DNAH17: variants seen among roughly 807,000 people sequenced by gnomAD.
The protein encoded by DNAH17 is dynein axonemal heavy chain 17.
Under a neutral mutation model 485.6 loss-of-function variants are expected in DNAH17, and 376 were observed. That is an observed-to-expected ratio of 0.77 (90% CI 0.71 to 0.84). DNAH17 has a LOEUF of 0.84. DNAH17 is among the 40% of genes least tolerant of loss of function. The probability of loss-of-function intolerance (pLI) is 0.00; values close to 1 mark genes in which losing one functional copy is unlikely to be tolerated. For synonymous variants in DNAH17, 3,031 were observed against 2,405.9 expected (o/e 1.26, Z -7.60); for missense variants, 6,370 against 5,839.3 (o/e 1.09, Z -2.96).
At chr17:78,450,520 G>C (rs1781358834) in intron 67 of DNAH17, 126 bp from the exon 68 acceptor site, 1 of 1,447,768 alleles carries the variant, frequency 6.9e-7, no homozygotes, top group Admixed American at 2.0e-5. Flanking sequence ...CAGCAGCTGG[G>C]TGCAGGATGG....
rs2090691264 is a variant in DNAH17, at chr17:78,513,456, GAC to G, written c.4113+1316_4113+1317del. On this transcript the variant is annotated intron_variant, in intron 26 of 80. Transcript: ENST00000389840. The stretch of plus-strand genomic sequence containing the variant: ...CCTGGTCTTTTCCTATTTTGTTAGA[GAC>G]ACAGTTTCACTCTGTCACCCAGGCT... Among the ~76,000 whole-genome samples, 3 of 152,268 alleles carry G rather than the reference GAC, an allele frequency of 2.0e-5. No individual in the cohort carries two copies. In the South Asian group the frequency reaches 6.2e-4, roughly 32 times the overall value.
chr17:78,547,911 C>T lies in DNAH17; in HGVS notation c.2391+3624G>A, dbSNP rs548135095. Among the ~76,000 whole-genome samples, 13 of 152,316 alleles carry T rather than the reference C, an allele frequency of 8.5e-5. No individual in the cohort carries two copies. The South Asian group carries it at 2.5e-3, about 29-fold the overall frequency. On this transcript the variant is annotated intron_variant, in intron 16 of 80. Transcript: ENST00000389840. Reference sequence around the variant, plus strand: ...GGGATTACAGGTGTGAGCCACCATGCCCAGCCTATTACTTCTTTAGTAACA... The same window carrying T: ...GGGATTACAGGTGTGAGCCACCATGTCCAGCCTATTACTTCTTTAGTAACA...
At chr17:78,471,894 G>A (rs774239016) in intron 54 of DNAH17, among the ~76,000 whole-genome samples, 2 of 152,084 alleles carry the variant, frequency 1.3e-5, no homozygotes, top group Non-Finnish European at 2.9e-5. Flanking sequence ...CATGTGTCCC[G>A]CTGTGCGATG....
At chr17:78,525,839 C>T (rs868545448) in intron 24 of DNAH17, among the ~76,000 whole-genome samples, 4 of 152,180 alleles carry the variant, frequency 2.6e-5, no homozygotes, top group South Asian at 2.1e-4. Flanking sequence ...TTGAGGAATG[C>T]GACATGAGGA....
chr17:78,451,580 C>T lies in DNAH17; in HGVS notation c.10623G>A (p.Glu3541=), dbSNP rs1203042290. 3 of 1,613,408 alleles carry T rather than the reference C, an allele frequency of 1.9e-6. No individual in the cohort carries two copies. The highest frequency in any genetic ancestry group is 2.2e-5 in the East Asian group (1 of 44,794). ...TKYFNPHYKP[E]MQAQCTLINF... ...TGATGAGGGTGCACTGAGCCTGCAT[C>T]TCTGGCTTGTAGTGTGGGTTGAAGT... Residue 3541 remains glutamate, a synonymous_variant, in exon 66 of 81, where the codon GAG becomes GAA. Coordinates refer to ENST00000389840, the MANE Select transcript of DNAH17 (RefSeq NM_173628.4).
chr17:78,567,164 T>C lies in DNAH17; in HGVS notation c.1287A>G (p.Glu429=), dbSNP rs1403669444. The stretch of plus-strand genomic sequence containing the variant: ...GAAACTCAATTGCTGTTTTATAGAG[T>C]TCCTAGTGGAGGAGAAAAACACAGT... ...SFFQRIQTIE[E]LYKTAIEFLK... The change falls in exon 10 of 81, where the codon GAA becomes GAG. Residue 429 remains glutamate (E), a splice_region_variant and synonymous_variant. Transcript: ENST00000389840. 1 of 1,596,052 alleles carries C rather than the reference T, an allele frequency of 6.3e-7. No individual in the cohort carries two copies. The highest frequency in any genetic ancestry group is 8.5e-7 in the Non-Finnish European group (1 of 1,171,202).
At position 78,427,060 on chromosome 17, in the gene DNAH17, T is replaced by C; in HGVS notation, c.12637A>G (p.Asn4213Asp). 1 of 1,597,376 alleles carries C rather than the reference T, an allele frequency of 6.3e-7. No homozygotes were observed. The highest frequency in any genetic ancestry group is 8.5e-7 in the Non-Finnish European group (1 of 1,172,176). The change falls in exon 78 of 81, where the codon AAC (asparagine) becomes GAC (aspartate). Residue 4213 changes from asparagine (N) to aspartate (D), a missense_variant. Transcript: ENST00000389840. Reference protein sequence around the residue: ...DILEKIPETFNMAEIMAKAAE... With the variant: ...DILEKIPETFDMAEIMAKAAE... ...GCCTTTGCCATGATCTCAGCCATGT[T>C]GAAAGTCTCCGGAATCTTCTCCAGG...
Position 78,528,406 on chromosome 17 carries a change from C to T in DNAH17, c.3507+1066G>A, listed in dbSNP as rs1221292408. On this transcript the variant is annotated intron_variant, in intron 22 of 80. Coordinates refer to ENST00000389840, the MANE Select transcript of DNAH17 (RefSeq NM_173628.4). The stretch of plus-strand genomic sequence containing the variant: ...AGCAGCTGGGACTACAGGTGTGCGC[C>T]ACCATGCCTGGCTAATTTTTTAAAT... 1.4e-4 allele frequency among the ~76,000 whole-genome samples: 22 copies of T among 152,282 alleles called. No homozygotes were observed. The East Asian group carries it at 4.2e-3, about 29-fold the overall frequency.
rs2087934929 is a variant in DNAH17, at chr17:78,458,762, G to A, written c.9862-82C>T. 3.0e-6 allele frequency: 4 copies of A among 1,317,832 alleles called. No individual in the cohort carries two copies. In the East Asian group the frequency reaches 6.9e-5, roughly 23 times the overall value. The allele number at this position is 1,317,832 out of a possible 1,614,324, so 81.6% of individuals were successfully genotyped here. Reference sequence around the variant, plus strand: ...TGCAGCGGCAGCAGGGCTGGGCCCTGTGAGCGCTGAGCGTGGAAGAGGCTC... The same window carrying A: ...TGCAGCGGCAGCAGGGCTGGGCCCTATGAGCGCTGAGCGTGGAAGAGGCTC... On this transcript the variant is annotated intron_variant, in intron 61 of 80. Transcript: ENST00000389840.
chr17:78,438,942 A>T (rs2086961539), intron 73 of DNAH17, 148 bp downstream of exon 73: 4 of 1,207,888 alleles, frequency 3.3e-6, no homozygotes, highest in Non-Finnish European at 4.5e-6. Flanking sequence ...GACACTGGGG[A>T]TGCCTCCTCC....
chr17:78,536,381 C>T (rs542489003), intron 19 of DNAH17, among the ~76,000 whole-genome samples: 7 of 152,234 alleles, frequency 4.6e-5, no homozygotes, highest in East Asian at 1.9e-4. Flanking sequence ...ACCCAGGAGG[C>T]GGAGGTTGCA....
At chr17:78,554,030 A>C (rs912095177) in intron 14 of DNAH17, among the ~76,000 whole-genome samples, 2 of 152,220 alleles carry the variant, frequency 1.3e-5, no homozygotes, top group Non-Finnish European at 2.9e-5. Context: ...CCTGAGCTCC[A>C]GCCATCTTCC....
rs573132649 is a variant in DNAH17, at chr17:78,439,216, T to C, written c.11679A>G (p.Gly3893=). 651 of 1,599,620 alleles carry C rather than the reference T, an allele frequency of 4.1e-4. 7 individuals are homozygous for C. In the South Asian group the frequency reaches 6.3e-3, roughly 15 times the overall value. ...VDPLKDVEAL[G]KKLGFTIDNG... Reference sequence around the variant, plus strand: ...TGTCTATGGTAAACCCTAGTTTTTTTCCTAAAGAAAAGAAAAACAGGAAAA... The same window carrying C: ...TGTCTATGGTAAACCCTAGTTTTTTCCCTAAAGAAAAGAAAAACAGGAAAA... The change falls in exon 73 of 81, where the codon GGA becomes GGG. Residue 3893 remains glycine, a splice_region_variant and synonymous_variant. Coordinates refer to ENST00000389840, the MANE Select transcript of DNAH17 (RefSeq NM_173628.4).
At chr17:78,536,589 G>C (rs1447022826) in intron 19 of DNAH17, among the ~76,000 whole-genome samples, 1 of 152,156 alleles carries the variant, frequency 6.6e-6, no homozygotes, top group Non-Finnish European at 1.5e-5. Flanking sequence ...ACTGAGGCGG[G>C]AGGATCAATT....
rs538506172 is a variant in DNAH17 at position 78,466,720 on chromosome 17, C to T, written c.8875G>A (p.Glu2959Lys). Residue 2959 changes from glutamate to lysine, a missense_variant, in exon 56 of 81, where the codon GAG (glutamate) becomes AAG (lysine). Coordinates refer to ENST00000389840, the MANE Select transcript of DNAH17 (RefSeq NM_173628.4). ...GACACCAGCGCATCTTCCGGCCACT[C>T]GTGGAACCAGTCGATGGCCGTGCAG... is the stretch of plus-strand genomic sequence containing the variant. ...VNCTAIDWFH[E>K]WPEDALVSVS... 1.7e-4 allele frequency: 281 copies of T among 1,612,916 alleles called. 3 individuals carry two copies. In the South Asian group the frequency reaches 3.0e-3, roughly 17 times the overall value.
At chr17:78,503,756 A>G (rs2090387255) in intron 31 of DNAH17, among the ~76,000 whole-genome samples, 1 of 152,000 alleles carries the variant, frequency 6.6e-6, no homozygotes. Flanking sequence ...ACCTGAGGTC[A>G]GGAGTTCAAA....
intron 27 of DNAH17, among the ~76,000 whole-genome samples, chr17:78,508,737 T>C (rs1220025136): frequency 6.6e-6 from 1 of 152,136 alleles, no homozygotes; most frequent in East Asian, 1.9e-4. Context: ...GGCTAAAGGA[T>C]ATGGGTTTCT....
In DNAH17 at chr17:78,542,827, G is replaced by A. The variant is rs777110754; in HGVS notation, c.2532+1030C>T. ...GATACACCCTGTGCACGTTCAAATG[G>A]TCCTCGCTCTTCCCATGTTACTGTT... is the stretch of plus-strand genomic sequence containing the variant. On this transcript the variant is annotated intron_variant, in intron 17 of 80. Transcript: ENST00000389840. Among the ~76,000 whole-genome samples the A allele has an allele frequency of 3.9e-5, 6 of 152,190 alleles. No individual in the cohort carries two copies. In the South Asian group the frequency reaches 1.0e-3, roughly 26 times the overall value.
intron 9 of DNAH17, 147 bp downstream of exon 9, chr17:78,569,019 T>TG (rs1252899068): frequency 4.5e-6 from 3 of 673,854 alleles, no homozygotes; most frequent in East Asian, 2.8e-5. Flanking sequence ...CGCAAAGCCT[T>TG]GGTTTCCTCA....
Sources: gnomAD v4.1 joint callset for allele counts (sites outside exome capture counted in the v4.1 genomes callset) on GRCh38, gnomAD v4.1.1 for gene constraint, MANE v1.5 for transcripts, NCBI Gene and HGNC (gene_info 2026-07-23, HGNC 2026-07-21) for gene names.